Variants in ZNF609 observed in about 807,000 individuals in gnomAD.
ZNF609 encodes zinc finger protein 609.
A neutral mutation model predicts 109.5 loss-of-function variants in ZNF609; 11 were observed. The observed-to-expected ratio is 0.10, with a 90% CI of 0.06 to 0.17. ZNF609 has a LOEUF of 0.17. ZNF609 is among the 10% of genes least tolerant of loss of function. The pLI is 1.00. For missense variants in ZNF609, 1,559 were observed against 1,772.4 expected (o/e 0.88, Z 2.16); for synonymous variants, 646 against 662.0 (o/e 0.98, Z 0.37).
At chr15:64,586,251 G>A (rs1018562946) in intron 2 of ZNF609, among the ~76,000 whole-genome samples, 3 of 151,910 alleles carry the variant, frequency 2.0e-5, no homozygotes, top group South Asian at 2.1e-4. Flanking sequence ...GCTTGAACCC[G>A]GGAGGCAGAG....
chr15:64,575,201 G>A (rs990744395), intron 2 of ZNF609, among the ~76,000 whole-genome samples: 2 of 152,150 alleles, frequency 1.3e-5, no homozygotes, highest in Non-Finnish European at 2.9e-5. Flanking sequence ...GAGGCGGGTG[G>A]ATTACCTGAC....
chr15:64,678,086 C>T (rs1896831852), intron 5 of ZNF609, 30 bp from the exon 6 acceptor site: 3 of 1,596,234 alleles, frequency 1.9e-6, no homozygotes, highest in Non-Finnish European at 2.6e-6. Flanking sequence ...ATCTGTACAA[C>T]ACCCAGTCGT....
At chr15:64,568,817 T>C (rs187422445) in intron 2 of ZNF609, among the ~76,000 whole-genome samples, 2 of 152,350 alleles carry the variant, frequency 1.3e-5, no homozygotes, top group East Asian at 3.9e-4. Context: ...TGTGGTGTTC[T>C]AGAAAGGCCA....
At chr15:64,649,929 A>G (rs1466841123) in intron 3 of ZNF609, among the ~76,000 whole-genome samples, 3 of 152,084 alleles carry the variant, frequency 2.0e-5, no homozygotes, top group Non-Finnish European at 4.4e-5. Flanking sequence ...ACATTTATCT[A>G]GGAATAGAAT....
At chr15:64,612,623 G>A (rs1011018049) in intron 2 of ZNF609, among the ~76,000 whole-genome samples, 1 of 66,782 alleles carries the variant, frequency 1.5e-5, no homozygotes, top group Admixed American at 2.5e-4. Flanking sequence ...CAGTCCAGGA[G>A]CCTCTTTTTT....
rs770862106 is a variant in ZNF609 at position 64,622,847 on chromosome 15, A to C, written c.768A>C (p.Thr256=). 6 of 1,614,108 alleles carry C rather than the reference A, an allele frequency of 3.7e-6. No individual in the cohort carries two copies. Among genetic ancestry groups the C allele is most frequent in the African/African-American group, 2.7e-5 (2 of 74,944 alleles). Residue 256 remains threonine, a synonymous_variant, in exon 3 of 10, where the codon ACA becomes ACC. Coordinates refer to ENST00000326648, the MANE Select transcript of ZNF609 (RefSeq NM_015042.2). ...KSEKMESPVS[T]PAVLPIHLLV... The stretch of plus-strand genomic sequence containing the variant: ...CACAGATGGAGTCCCCTGTTTCCAC[A>C]CCAGCAGTGCTGCCAATACACCTTT...
chr15:64,563,633 G>A (rs922512855), intron 2 of ZNF609, among the ~76,000 whole-genome samples: 1 of 151,232 alleles, frequency 6.6e-6, no homozygotes, highest in Non-Finnish European at 1.5e-5. Context: ...AAATTTAGCC[G>A]GGCATGGTGG....
intron 2 of ZNF609, among the ~76,000 whole-genome samples, chr15:64,529,843 G>A (rs922825288): frequency 7.2e-5 from 11 of 152,144 alleles, no homozygotes; most frequent in African/African-American, 2.7e-4. Context: ...TGATTCTCCT[G>A]CCTCAGCCTC....
chr15:64,595,542 G>T (rs906787914), intron 2 of ZNF609, among the ~76,000 whole-genome samples: 1 of 151,972 alleles, frequency 6.6e-6, no homozygotes, highest in South Asian at 2.1e-4. Context: ...TCAGTTACAC[G>T]AGAGCCACTA....
chr15:64,478,609 C>T (rs899417729), intron 1 of ZNF609, among the ~76,000 whole-genome samples: 3 of 152,088 alleles, frequency 2.0e-5, no homozygotes, highest in Non-Finnish European at 2.9e-5. Flanking sequence ...AACTCCTGAC[C>T]TCAAGTGATC....
chr15:64,552,471 A>T (rs997715823), intron 2 of ZNF609, among the ~76,000 whole-genome samples: 4 of 152,064 alleles, frequency 2.6e-5, no homozygotes, highest in Admixed American at 6.6e-5. Context: ...TCTCAGGTTC[A>T]AGCAGTTCTG....
chr15:64,490,162 T>C (rs956790910), intron 1 of ZNF609, among the ~76,000 whole-genome samples: 3 of 151,690 alleles, frequency 2.0e-5, no homozygotes, highest in Admixed American at 1.3e-4. Flanking sequence ...AGGGTCCCAT[T>C]ATGTTGCCCA....
At chr15:64,494,726 A>C (rs950508063) in intron 1 of ZNF609, among the ~76,000 whole-genome samples, 2 of 151,880 alleles carry the variant, frequency 1.3e-5, no homozygotes, top group African/African-American at 4.8e-5. Context: ...GGGTTTCATC[A>C]TGTTGGCCAG....
chr15:64,573,526 A>AT (rs61063013), intron 2 of ZNF609, among the ~76,000 whole-genome samples: 7,262 of 140,042 alleles, frequency 0.052, 513 homozygotes, highest in African/African-American at 0.16. Context: ...GGCTAATTTA[A>AT]TTTTTTTTTT....
intron 1 of ZNF609, among the ~76,000 whole-genome samples, chr15:64,474,394 G>T (rs1262787295): frequency 6.6e-6 from 1 of 151,434 alleles, no homozygotes; most frequent in Admixed American, 6.6e-5. Context: ...TGTATTTTTA[G>T]TAGCGACGGG....
chr15:64,590,983 C>G (rs1321918301), intron 2 of ZNF609, among the ~76,000 whole-genome samples: 1 of 152,012 alleles, frequency 6.6e-6, no homozygotes, highest in African/African-American at 2.4e-5. Flanking sequence ...TAGGCAATAC[C>G]ATAGAGTTTT....
Position 64,589,760 on chromosome 15 carries a change from T to G in ZNF609, c.748-33067T>G, listed in dbSNP as rs752041473. Among the ~76,000 whole-genome samples the G allele has an allele frequency of 2.0e-5, 3 of 152,190 alleles. No individual in the cohort carries two copies. The South Asian group carries it at 6.2e-4, about 31-fold the overall frequency. ...TGTGGAGCTTCTCAGGAATATACTT[T>G]TTTGTGAGATTTTTCTATAAGATTA... On this transcript the variant is annotated intron_variant, in intron 2 of 9. Transcript: ENST00000326648.
chr15:64,580,421 A>G (rs1163040088), intron 2 of ZNF609, among the ~76,000 whole-genome samples: 1 of 152,130 alleles, frequency 6.6e-6, no homozygotes, highest in Non-Finnish European at 1.5e-5. Context: ...TAGCTTTACT[A>G]ACATTCTTTC....
At chr15:64,534,969 G>A (rs1048347312) in intron 2 of ZNF609, among the ~76,000 whole-genome samples, 3 of 151,806 alleles carry the variant, frequency 2.0e-5, no homozygotes, top group Non-Finnish European at 4.4e-5. Flanking sequence ...GGAGGCAGAG[G>A]TTGCAGTGAG....
Sources: allele counts gnomAD v4.1 joint callset (sites outside exome capture counted in the v4.1 genomes callset), GRCh38; gene constraint gnomAD v4.1.1; transcripts MANE v1.5; gene names NCBI Gene and HGNC (gene_info 2026-07-23, HGNC 2026-07-21).